The following SORCS3 variants were observed in gnomAD, a reference collection of about 807,000 sequenced individuals.
SORCS3 encodes sortilin related VPS10 domain containing receptor 3, also known as VPS10 domain-containing receptor SorCS3.
A neutral mutation model predicts 146.3 loss-of-function variants in SORCS3; 57 were observed. The ratio of observed to expected loss-of-function variants is 0.39; its 90% CI spans 0.31 to 0.49. The LOEUF (loss-of-function observed/expected upper bound fraction) is 0.49, where lower values mean the gene tolerates loss of function less well. Among genes scored for constraint, SORCS3 ranks in the 20% least tolerant of loss-of-function variants. SORCS3 has a pLI of 0.92. For missense variants in SORCS3, 1,341 were observed against 1,575.5 expected (o/e 0.85, Z 2.52); for synonymous variants, 653 against 618.5 (o/e 1.06, Z -0.83).
chr10:105,043,161 G>C (rs768204491), intron 5 of SORCS3, 33 bp downstream of exon 5: 2 of 1,584,456 alleles, frequency 1.3e-6, no homozygotes, highest in African/African-American at 2.7e-5. Flanking sequence ...TTACTTCTTA[G>C]ATAAAGAATT....
intron 2 of SORCS3, among the ~76,000 whole-genome samples, chr10:104,845,985 G>T (rs1412947553): frequency 3.9e-5 from 6 of 152,146 alleles, no homozygotes; most frequent in African/African-American, 1.4e-4. Flanking sequence ...CAAGCAAAGG[G>T]AGTTACTCAG....
At chr10:105,143,372 G>T (rs569249451) in intron 8 of SORCS3, among the ~76,000 whole-genome samples, 1 of 151,778 alleles carries the variant, frequency 6.6e-6, no homozygotes, top group East Asian at 1.9e-4. Context: ...TTCAATAGTG[G>T]TGACTCCTAT....
At chr10:104,725,008 G>A (rs7081311) in intron 1 of SORCS3, among the ~76,000 whole-genome samples, 46,244 of 151,804 alleles carry the variant, frequency 0.3, 7,355 homozygotes, top group East Asian at 0.63. Flanking sequence ...GCTTTGTTCT[G>A]TTGCTGGTGA....
At chr10:105,259,027 G>A (rs1364741240) in intron 25 of SORCS3, among the ~76,000 whole-genome samples, 1 of 152,120 alleles carries the variant, frequency 6.6e-6, no homozygotes, top group Non-Finnish European at 1.5e-5. Flanking sequence ...TGGAACCCCA[G>A]TAATGGCAAC....
In SORCS3 at chr10:105,201,261, G is replaced by T; in HGVS notation, c.2261+8G>T. On this transcript the variant is annotated splice_region_variant and intron_variant, in intron 16 of 26. Transcript: ENST00000369701. ...CAATTGGGACTTCGAGTGGTGAGTT[G>T]TTTGGCATTTCATTACCAATTCCAA... 1.2e-6 allele frequency: 2 copies of T among 1,600,954 alleles called. No individual in the cohort carries two copies. Among genetic ancestry groups the T allele is most frequent in the East Asian group, 2.2e-5 (1 of 44,588 alleles).
intron 1 of SORCS3, among the ~76,000 whole-genome samples, chr10:104,715,260 A>G (rs578185503): frequency 3.0e-4 from 46 of 152,300 alleles, no homozygotes; most frequent in African/African-American, 9.4e-4. Context: ...GCATCATCCA[A>G]TCTGTTGCAG....
chr10:105,245,736 A>G (rs1226410031), intron 21 of SORCS3, 71 bp downstream of exon 21: 3 of 1,530,344 alleles, frequency 2.0e-6, no homozygotes, highest in Admixed American at 2.0e-5. Flanking sequence ...TCTCCCTACA[A>G]TCATTGAGTG....
At chr10:104,938,227 G>C (rs1344302157) in intron 3 of SORCS3, among the ~76,000 whole-genome samples, 1 of 152,132 alleles carries the variant, frequency 6.6e-6, no homozygotes, top group Non-Finnish European at 1.5e-5. Context: ...TTATAACCTG[G>C]AATGAGGCTG....
At chr10:104,650,368 A>C (rs2015543379) in intron 1 of SORCS3, among the ~76,000 whole-genome samples, 1 of 152,238 alleles carries the variant, frequency 6.6e-6, no homozygotes, top group South Asian at 2.1e-4. Context: ...GAAGATGAAA[A>C]GTAGACTGTA....
At chr10:105,096,149 C>G (rs75975004) in intron 6 of SORCS3, among the ~76,000 whole-genome samples, 3,345 of 149,186 alleles carry the variant, frequency 0.022, 112 homozygotes, top group East Asian at 0.17. Flanking sequence ...AACAAACAAG[C>G]AGGCACACAC....
At chr10:105,214,330 C>G in intron 17 of SORCS3, 112 bp from the exon 18 acceptor site, 1 of 1,166,562 alleles carries the variant, frequency 8.6e-7, no homozygotes, top group Non-Finnish European at 1.2e-6. Flanking sequence ...GTGTGAAGCA[C>G]CTGTTTTGCT....
chr10:104,705,425 C>A (rs1589465551), intron 1 of SORCS3, among the ~76,000 whole-genome samples: 1 of 151,940 alleles, frequency 6.6e-6, no homozygotes, highest in Non-Finnish European at 1.5e-5. Context: ...CCACTCACAC[C>A]GAATTAGGTT....
At chr10:104,919,334 T>A (rs2019063506) in intron 3 of SORCS3, among the ~76,000 whole-genome samples, 1 of 151,670 alleles carries the variant, frequency 6.6e-6, no homozygotes, top group East Asian at 1.9e-4. Context: ...TCACTCAGAT[T>A]GGGGAAAAAT....
chr10:104,744,051 C>T (rs762615468), intron 1 of SORCS3, among the ~76,000 whole-genome samples: 1 of 152,188 alleles, frequency 6.6e-6, no homozygotes, highest in Non-Finnish European at 1.5e-5. Flanking sequence ...GTGAGATGGA[C>T]ATTATCATCT....
chr10:104,667,336 G>C (rs182989228), intron 1 of SORCS3, among the ~76,000 whole-genome samples: 1 of 152,166 alleles, frequency 6.6e-6, no homozygotes, highest in East Asian at 1.9e-4. Context: ...TTCTCCATTT[G>C]TCTTCTCCCT....
intron 1 of SORCS3, among the ~76,000 whole-genome samples, chr10:104,731,612 G>C (rs1427210800): frequency 6.6e-6 from 1 of 152,128 alleles, no homozygotes; most frequent in Non-Finnish European, 1.5e-5. Flanking sequence ...CTTGCCCACT[G>C]TGATGTGTCT....
At chr10:104,809,855 T>C (rs149463722) in intron 1 of SORCS3, among the ~76,000 whole-genome samples, 310 of 152,336 alleles carry the variant, frequency 2.0e-3, no homozygotes, top group Middle Eastern at 0.01. Context: ...AGGATGGTCA[T>C]GTAGCCTGTT....
Position 105,236,345 on chromosome 10 carries a change from A to G in SORCS3, c.2869-9197A>G, listed in dbSNP as rs551197630. Among the ~76,000 whole-genome samples, 4 of 152,234 alleles carry G rather than the reference A, an allele frequency of 2.6e-5. No homozygotes were observed. In the South Asian group the frequency reaches 8.3e-4, roughly 32 times the overall value. On this transcript the variant is annotated intron_variant, in intron 20 of 26. Coordinates refer to ENST00000369701, the MANE Select transcript of SORCS3 (RefSeq NM_014978.3). ...TTTAGCTGCACTACTAGAGGTGTTTATCTCCTGGAGGTTACATAATCTAAA... is the reference window on the plus strand; with the variant it reads ...TTTAGCTGCACTACTAGAGGTGTTTGTCTCCTGGAGGTTACATAATCTAAA...
intron 2 of SORCS3, among the ~76,000 whole-genome samples, chr10:104,873,672 G>C (rs929406115): frequency 6.6e-6 from 1 of 152,046 alleles, no homozygotes; most frequent in African/African-American, 2.4e-5. Flanking sequence ...AATTTGCTTG[G>C]CATAATGCAC....
Sources: allele counts gnomAD v4.1 joint callset (sites outside exome capture counted in the v4.1 genomes callset), GRCh38; gene constraint gnomAD v4.1.1; transcripts MANE v1.5; gene names NCBI Gene and HGNC (gene_info 2026-07-23, HGNC 2026-07-21).